The following PHACTR3 variants were observed in gnomAD, a reference collection of about 807,000 sequenced individuals.
The protein encoded by PHACTR3 is phosphatase and actin regulator 3, also known as protein phosphatase 1, regulatory subunit 123.
Under a neutral mutation model 66.8 loss-of-function variants are expected in PHACTR3, and 16 were observed. The ratio of observed to expected loss-of-function variants is 0.24; its 90% confidence interval spans 0.16 to 0.36. PHACTR3 has a LOEUF of 0.36. Among genes scored for constraint, PHACTR3 ranks in the 10% least tolerant of loss-of-function variants. The probability of loss-of-function intolerance (pLI) is 1.00; values close to 1 mark genes in which losing one functional copy is unlikely to be tolerated. For synonymous variants in PHACTR3, 323 were observed against 292.1 expected (o/e 1.11, Z -1.08); for missense variants, 647 against 719.9 (o/e 0.90, Z 1.16).
chr20:59,643,913 G>T (rs1285467868), intron 1 of PHACTR3, among the ~76,000 whole-genome samples: 2 of 152,178 alleles, frequency 1.3e-5, no homozygotes, highest in African/African-American at 2.4e-5. Flanking sequence ...GTCCTGCTTG[G>T]CGTTGTTTGG....
intron 7 of PHACTR3, among the ~76,000 whole-genome samples, chr20:59,788,611 T>G (rs984676237): frequency 6.6e-6 from 1 of 152,184 alleles, no homozygotes; most frequent in African/African-American, 2.4e-5. Context: ...CAACCTCACA[T>G]CTGTCCCCAT....
rs183798342 is a variant in PHACTR3 at position 59,593,648 on chromosome 20, T to C, written c.109+16031T>C. ...CAGTTTTATATTTTACATTTAGTTCTATGATATATTTTGAATTAATTTTTG... is the reference window on the plus strand; with the variant it reads ...CAGTTTTATATTTTACATTTAGTTCCATGATATATTTTGAATTAATTTTTG... On this transcript the variant is annotated intron_variant, in intron 1 of 12. Coordinates refer to the PHACTR3 transcript ENST00000359926. Among the ~76,000 whole-genome samples the C allele has an allele frequency of 7.8e-4, 119 of 152,368 alleles. 1 individual carries two copies. The highest frequency in any genetic ancestry group is 1.3e-3 in the Non-Finnish European group (87 of 68,042).
chr20:59,832,154 T>G (rs2042403369), intron 8 of PHACTR3, among the ~76,000 whole-genome samples: 1 of 152,172 alleles, frequency 6.6e-6, no homozygotes, highest in Non-Finnish European at 1.5e-5. Flanking sequence ...CCTCCCAGCA[T>G]CTGGAACTGG....
At chr20:59,635,117 T>TTCTCTC (rs1419986800) in intron 1 of PHACTR3, among the ~76,000 whole-genome samples, 1 of 75,466 alleles carries the variant, frequency 1.3e-5, no homozygotes, top group Non-Finnish European at 2.6e-5. Context: ...CTTTCTTTCT[T>TTCTCTC]TCTTTCTTTC....
chr20:59,631,161 G>C (rs948919955), intron 1 of PHACTR3, among the ~76,000 whole-genome samples: 1 of 152,220 alleles, frequency 6.6e-6, no homozygotes, highest in African/African-American at 2.4e-5. Flanking sequence ...TAAAAGTCAG[G>C]GTCAGATGCC....
At chr20:59,708,798 A>G (rs2037811289) in intron 1 of PHACTR3, among the ~76,000 whole-genome samples, 2 of 152,208 alleles carry the variant, frequency 1.3e-5, no homozygotes, top group South Asian at 2.1e-4. Context: ...CTAAGATTTA[A>G]TCTTGAAACA....
chr20:59,587,253 C>T (rs186355059), intron 1 of PHACTR3, among the ~76,000 whole-genome samples: 17 of 152,302 alleles, frequency 1.1e-4, no homozygotes, highest in African/African-American at 2.9e-4. Flanking sequence ...TGGATATGAG[C>T]GCACCTTTCT....
At chr20:59,605,858 T>TGGGGGGGGGGG in intron 1 of PHACTR3, among the ~76,000 whole-genome samples, 1 of 87,730 alleles carries the variant, frequency 1.1e-5, no homozygotes, top group South Asian at 4.8e-4. Context: ...GGGGGGGAGG[T>TGGGGGGGGGGG]GGGGGGGGGG....
chr20:59,796,558 C>T (rs1051363408), intron 7 of PHACTR3, among the ~76,000 whole-genome samples: 4 of 152,090 alleles, frequency 2.6e-5, no homozygotes, highest in Non-Finnish European at 4.4e-5. Flanking sequence ...TAATGAATTT[C>T]CTCAGCTTAT....
intron 1 of PHACTR3, among the ~76,000 whole-genome samples, chr20:59,621,953 C>T (rs544464175): frequency 6.6e-6 from 1 of 152,326 alleles, no homozygotes; most frequent in East Asian, 1.9e-4. Flanking sequence ...CTTTTAAGGT[C>T]AACTTTGCCA....
At chr20:59,834,720 T>A (rs959927637) in intron 8 of PHACTR3, among the ~76,000 whole-genome samples, 1 of 152,218 alleles carries the variant, frequency 6.6e-6, no homozygotes, top group African/African-American at 2.4e-5. Context: ...TGCCAGATTC[T>A]GAATGTATCT....
At chr20:59,769,626 C>T (rs1190274113) in intron 5 of PHACTR3, among the ~76,000 whole-genome samples, 2 of 152,178 alleles carry the variant, frequency 1.3e-5, no homozygotes, top group Non-Finnish European at 2.9e-5. Context: ...TAACCACCTG[C>T]CCCCCAGACA....
chr20:59,642,685 T>C (rs2146428054), intron 1 of PHACTR3, among the ~76,000 whole-genome samples: 1 of 152,312 alleles, frequency 6.6e-6, no homozygotes, highest in East Asian at 1.9e-4. Flanking sequence ...CTATAGTAAT[T>C]GGGATGGACT....
At chr20:59,599,436 C>T (rs535358444) in intron 1 of PHACTR3, among the ~76,000 whole-genome samples, 1 of 152,226 alleles carries the variant, frequency 6.6e-6, no homozygotes, top group East Asian at 1.9e-4. Context: ...TTGAGCTAAC[C>T]GTCTAAGTGC....
At chr20:59,805,842 C>T (rs1471510561) in intron 7 of PHACTR3, among the ~76,000 whole-genome samples, 199 bp from the exon 8 acceptor site, 5 of 152,212 alleles carry the variant, frequency 3.3e-5, no homozygotes, top group African/African-American at 1.2e-4. Context: ...GGTGACATCA[C>T]CTTACCCCTG....
chr20:59,591,688 T>C (rs2033186718), intron 1 of PHACTR3, among the ~76,000 whole-genome samples: 1 of 152,092 alleles, frequency 6.6e-6, no homozygotes, highest in Non-Finnish European at 1.5e-5. Flanking sequence ...TGAGACTCCA[T>C]TTCTGCAAAG....
At chr20:59,758,888 G>A (rs1451939570) in intron 4 of PHACTR3, among the ~76,000 whole-genome samples, 1 of 152,088 alleles carries the variant, frequency 6.6e-6, no homozygotes, top group African/African-American at 2.4e-5. Flanking sequence ...TCCCAGGGTC[G>A]CTAAAATTAA....
At chr20:59,681,370 T>A (rs1425689655) in intron 1 of PHACTR3, among the ~76,000 whole-genome samples, 1 of 152,202 alleles carries the variant, frequency 6.6e-6, no homozygotes, top group Non-Finnish European at 1.5e-5. Flanking sequence ...GTACCATTTT[T>A]TTTTTCTACT....
At chr20:59,771,610 C>T (rs1329982851) in intron 5 of PHACTR3, among the ~76,000 whole-genome samples, 2 of 152,016 alleles carry the variant, frequency 1.3e-5, no homozygotes, top group Non-Finnish European at 2.9e-5. Flanking sequence ...CTCTCTCTCC[C>T]AGCCCTTTTC....
Sources: gnomAD v4.1 joint callset for allele counts (sites outside exome capture counted in the v4.1 genomes callset) on GRCh38, gnomAD v4.1.1 for gene constraint, MANE v1.5 for transcripts, NCBI Gene and HGNC (gene_info 2026-07-23, HGNC 2026-07-21) for gene names.